NUP98: variants seen among roughly 807,000 people sequenced by gnomAD.
The protein encoded by NUP98 is nucleoporin 98 and 96 precursor, also known as nuclear pore complex protein Nup98-Nup96.
In NUP98, 26 loss-of-function variants were observed where a neutral mutation model predicts 191.9. That is an observed-to-expected ratio of 0.14 (90% CI 0.10 to 0.19). The LOEUF (loss-of-function observed/expected upper bound fraction) is 0.19. Among genes scored for constraint, NUP98 ranks in the 10% least tolerant of loss-of-function variants. The pLI is 1.00. For synonymous variants in NUP98, 808 were observed against 778.4 expected (o/e 1.04, Z -0.63); for missense variants, 1,941 against 2,178.8 (o/e 0.89, Z 2.17).
In NUP98 at chr11:3,768,821, A is replaced by C. The variant is rs1332357578; in HGVS notation, c.785-77T>G. On this transcript the variant is annotated intron_variant, in intron 7 of 32. Transcript: ENST00000324932. The stretch of plus-strand genomic sequence containing the variant: ...AACACCCAAAAATACAAAACCTTCC[A>C]TTATCCAGTTGTTGTAATAGTCTTT... The C allele has an allele frequency of 2.6e-6, 3 of 1,159,318 alleles. No individual in the cohort carries two copies. In the African/African-American group the frequency reaches 4.6e-5, roughly 18 times the overall value. The allele number at this position is 1,159,318 out of a possible 1,614,324, so 71.8% of individuals were successfully genotyped here. A position where few individuals can be genotyped will look rare whatever the true frequency, so the allele number is the denominator to read the frequency against.
chr11:3,756,841 C>T (rs1589891219), intron 10 of NUP98, among the ~76,000 whole-genome samples: 1 of 143,560 alleles, frequency 7.0e-6, no homozygotes, highest in Non-Finnish European at 1.5e-5. Context: ...TAATCCCAAC[C>T]TTTTGGGAGG....
At position 3,712,865 on chromosome 11, in the gene NUP98, T is replaced by C. The variant is rs186314206; in HGVS notation, c.2578-137A>G. 5.7e-4 allele frequency: 443 copies of C among 781,976 alleles called. 3 individuals carry two copies. The highest frequency in any genetic ancestry group is 2.3e-3 in the African/African-American group (132 of 57,120). 48.4% of individuals were successfully genotyped at this position (781,976 alleles called of 1,614,324 possible). ...ATCTAAGTATTTAAAGCAAAATATA[T>C]CACCTATCACACTTTTATCTAAGAT... On this transcript the variant is annotated intron_variant, in intron 19 of 32. Coordinates refer to ENST00000324932, the MANE Select transcript of NUP98 (RefSeq NM_016320.5).
At chr11:3,743,436 G>C (rs1199116328) in intron 12 of NUP98, among the ~76,000 whole-genome samples, 1 of 148,690 alleles carries the variant, frequency 6.7e-6, no homozygotes, top group Non-Finnish European at 1.5e-5. Flanking sequence ...CACGAGGTCA[G>C]GAGATCGAGA....
intron 14 of NUP98, 127 bp downstream of exon 14, chr11:3,731,264 A>C (rs970576472): frequency 8.2e-6 from 5 of 612,728 alleles, no homozygotes; most frequent in Admixed American, 4.2e-5. Flanking sequence ...ACTCTGTCTC[A>C]AAAACAAAAA....
At chr11:3,688,820 C>CATATACATATATATATATATATATAT (rs1388681065) in intron 28 of NUP98, among the ~76,000 whole-genome samples, 11 of 136,270 alleles carry the variant, frequency 8.1e-5, no homozygotes, top group African/African-American at 3.1e-4. Context: ...TTTAAATATA[C>CATATACATATATATATATATATATAT]ATATATATAT....
At chr11:3,689,940 ATT>A (rs989043726) in intron 28 of NUP98, among the ~76,000 whole-genome samples, 1,112 of 73,534 alleles carry the variant, frequency 0.015, 12 homozygotes, top group African/African-American at 0.044. Flanking sequence ...GCTGGCCTGC[ATT>A]TTTTTTTTTT....
intron 13 of NUP98, among the ~76,000 whole-genome samples, chr11:3,733,502 G>A (rs1290691619): frequency 6.6e-6 from 1 of 151,966 alleles, no homozygotes; most frequent in African/African-American, 2.4e-5. Context: ...AGTATAGATG[G>A]GGTTTCACCA....
intron 29 of NUP98, among the ~76,000 whole-genome samples, chr11:3,684,037 G>A (rs896599126): frequency 2.7e-5 from 4 of 150,612 alleles, no homozygotes; most frequent in African/African-American, 7.3e-5. Context: ...GTGAAACCCC[G>A]TCTCTGCAAA....
Position 3,768,639 on chromosome 11 carries a change from T to C in NUP98, c.890A>G (p.Asn297Ser), listed in dbSNP as rs917139275. 1 of 1,611,492 alleles carries C rather than the reference T, an allele frequency of 6.2e-7. No homozygotes were observed. Among genetic ancestry groups the C allele is most frequent in the Non-Finnish European group, 8.5e-7 (1 of 1,178,636 alleles). Residue 297 changes from asparagine (N) to serine (S), a missense_variant, in exon 8 of 33, where the codon AAC becomes AGC. Asn to Ser is a conservative substitution (Grantham distance 46). Transcript: ENST00000324932. Reference protein sequence around the residue: ...KPFGQATTTQNTGFSFGNTST... With the variant: ...KPFGQATTTQSTGFSFGNTST... ...GGTATTACCAAAGGAAAAGCCAGTG[T>C]TCTGGGTGGTTGTAGCCTGGCCAAA...
chr11:3,760,261 T>C lies in NUP98; in HGVS notation c.1174+278A>G, dbSNP rs922255971. The C allele has an allele frequency of 4.9e-5, 23 of 473,970 alleles. No homozygotes were observed. The Middle Eastern group carries it at 1.7e-3, about 35-fold the overall frequency. 29.4% of individuals were successfully genotyped at this position (473,970 alleles called of 1,614,324 possible). A position where few individuals can be genotyped will look rare whatever the true frequency, so the allele number is the denominator to read the frequency against. ...TTAACCAAATGTGTTTCCTTTATGG[T>C]TTCTCAGCTATTGCTGAAGTAATCC... On this transcript the variant is annotated intron_variant, in intron 10 of 32. Coordinates refer to ENST00000324932, the MANE Select transcript of NUP98 (RefSeq NM_016320.5).
chr11:3,677,699 G>T (rs1589941371), intron 31 of NUP98, among the ~76,000 whole-genome samples: 1 of 152,096 alleles, frequency 6.6e-6, no homozygotes, highest in Non-Finnish European at 1.5e-5. Flanking sequence ...ACAGTGCTTG[G>T]CATACAGTGA....
chr11:3,693,058 C>T (rs974259915), intron 27 of NUP98, 174 bp downstream of exon 27: 1 of 612,256 alleles, frequency 1.6e-6, no homozygotes, highest in Non-Finnish European at 2.8e-6. Flanking sequence ...GTGAGAAAGT[C>T]AACTGTGGAA....
intron 4 of NUP98, among the ~76,000 whole-genome samples, chr11:3,778,208 A>AG (rs1229869707): frequency 6.2e-4 from 94 of 150,452 alleles, no homozygotes; most frequent in Non-Finnish European, 1.1e-3. Context: ...CAAAAAAAAA[A>AG]AAAAAAAAAA....
chr11:3,781,469 A>G (rs2081964510), intron 2 of NUP98: 1 of 135,674 alleles, frequency 7.4e-6, no homozygotes. Flanking sequence ...TTTTTTTTGC[A>G]GAGGGGGTGG....
intron 29 of NUP98, among the ~76,000 whole-genome samples, chr11:3,683,672 G>A (rs2078046777): frequency 6.6e-6 from 1 of 151,282 alleles, no homozygotes; most frequent in Admixed American, 6.6e-5. Flanking sequence ...ACAAGTAGCT[G>A]GGATTACAGG....
intron 25 of NUP98, 192 bp downstream of exon 25, chr11:3,698,890 G>A: frequency 3.1e-6 from 2 of 639,206 alleles, no homozygotes; most frequent in South Asian, 3.9e-5. Flanking sequence ...CTTAAACATT[G>A]TTTACTTGAT....
intron 12 of NUP98, among the ~76,000 whole-genome samples, chr11:3,739,642 G>T (rs1257521521): frequency 6.6e-6 from 1 of 152,100 alleles, no homozygotes; most frequent in East Asian, 1.9e-4. Context: ...TAAATCTTTG[G>T]CTAAAAAATA....
intron 14 of NUP98, among the ~76,000 whole-genome samples, chr11:3,727,428 G>C (rs1236617799): frequency 6.6e-6 from 1 of 152,154 alleles, no homozygotes; most frequent in South Asian, 2.1e-4. Flanking sequence ...AAGTTACCAA[G>C]CACTACTGAG....
At chr11:3,704,734 A>G (rs1330897370) in intron 22 of NUP98, among the ~76,000 whole-genome samples, 1 of 152,244 alleles carries the variant, frequency 6.6e-6, no homozygotes, top group Admixed American at 6.5e-5. Flanking sequence ...TGCCAGGTGC[A>G]ATGACGCATA....
Sources: gnomAD v4.1 joint callset for allele counts (sites outside exome capture counted in the v4.1 genomes callset) on GRCh38, gnomAD v4.1.1 for gene constraint, MANE v1.5 for transcripts, NCBI Gene and HGNC (gene_info 2026-07-23, HGNC 2026-07-21) for gene names.